NAALADL2: variants seen among roughly 807,000 people sequenced by gnomAD.
NAALADL2 encodes inactive N-acetylated-alpha-linked acidic dipeptidase-like protein 2.
NAALADL2 carries 76 observed loss-of-function variants against 87.2 expected under a neutral mutation model. The ratio of observed to expected loss-of-function variants is 0.87; its 90% CI spans 0.72 to 1.05. The LOEUF (loss-of-function observed/expected upper bound fraction) is 1.05, where lower values mean the gene tolerates loss of function less well. NAALADL2 is among the 50% of genes least tolerant of loss of function. The pLI, the probability that NAALADL2 is intolerant of heterozygous loss-of-function variation, is 0.00. For missense variants in NAALADL2, 1,089 were observed against 945.8 expected, an observed-to-expected ratio of 1.15 and a Z score of -1.99; for synonymous variants, 354 against 331.0, an observed-to-expected ratio of 1.07 and a Z score of -0.75.
At chr3:175,634,978 T>C (rs531419865) in intron 11 of NAALADL2, among the ~76,000 whole-genome samples, 3 of 152,188 alleles carry the variant, frequency 2.0e-5, no homozygotes, top group African/African-American at 4.8e-5. Flanking sequence ...TAAAGACTCT[T>C]GGTTGGAGCT....
intron 10 of NAALADL2, among the ~76,000 whole-genome samples, chr3:175,626,572 G>A (rs764337739): frequency 1.3e-5 from 2 of 151,736 alleles, no homozygotes; most frequent in African/African-American, 2.4e-5. Context: ...AGGTATCTCC[G>A]AAATGCCCCC....
intron 11 of NAALADL2, among the ~76,000 whole-genome samples, chr3:175,705,546 A>G (rs561560536): frequency 2.2e-5 from 3 of 139,158 alleles, no homozygotes; most frequent in Non-Finnish European, 4.6e-5. Context: ...AAAGAGAAGA[A>G]AGAAGAAGAA....
At chr3:175,365,347 T>C (rs1391270286) in intron 5 of NAALADL2, among the ~76,000 whole-genome samples, 2 of 147,410 alleles carry the variant, frequency 1.4e-5, no homozygotes, top group Non-Finnish European at 3.0e-5. Flanking sequence ...ATTATTTTGG[T>C]GAATTTTTGC....
At chr3:175,177,224 C>T (rs1027380109) in intron 2 of NAALADL2, among the ~76,000 whole-genome samples, 4 of 152,040 alleles carry the variant, frequency 2.6e-5, no homozygotes, top group Non-Finnish European at 4.4e-5. Flanking sequence ...TCCATTATAC[C>T]TGTCCCCTAC....
At chr3:174,658,809 A>G (rs187874142) in intron 2 of NAALADL2, among the ~76,000 whole-genome samples, 12 of 152,336 alleles carry the variant, frequency 7.9e-5, no homozygotes, top group Non-Finnish European at 1.5e-4. Flanking sequence ...TTCTACTGGT[A>G]CAAAAGAAAT....
chr3:174,686,970 A>G (rs61304219), intron 2 of NAALADL2, among the ~76,000 whole-genome samples: 1 of 152,024 alleles, frequency 6.6e-6, no homozygotes, highest in Non-Finnish European at 1.5e-5. Context: ...AAAACTAAAG[A>G]GAAATTTTTT....
intron 2 of NAALADL2, among the ~76,000 whole-genome samples, chr3:174,570,863 G>C (rs538862895): frequency 6.6e-6 from 1 of 152,262 alleles, no homozygotes; most frequent in South Asian, 2.1e-4. Context: ...AAGCCCCATA[G>C]TAAAGAAATT....
rs577279511 is a variant in NAALADL2 at position 175,746,951 on chromosome 3, C to A, written c.1991-8269C>A. On this transcript the variant is annotated intron_variant, in intron 12 of 13. Transcript: ENST00000454872. ...GTGTAGTATTTGCATATAACCTGGG[C>A]ACATCCTCTAACACACTTTAGATCA... 5.3e-5 allele frequency among the ~76,000 whole-genome samples: 8 copies of A among 152,124 alleles called. No individual in the cohort carries two copies. The East Asian group carries it at 1.5e-3, about 29-fold the overall frequency.
intron 3 of NAALADL2, among the ~76,000 whole-genome samples, chr3:174,813,324 T>C (rs1401724559): frequency 8.7e-6 from 1 of 114,534 alleles, no homozygotes; most frequent in African/African-American, 3.5e-5. Flanking sequence ...TTTATGAATT[T>C]GTGTTGGGCC....
At chr3:174,980,821 GTATGATA>G (rs1745012353) in intron 1 of NAALADL2, among the ~76,000 whole-genome samples, 1 of 151,352 alleles carries the variant, frequency 6.6e-6, no homozygotes, top group Non-Finnish European at 1.5e-5. Flanking sequence ...TATTGATTTA[GTATGATA>G]TATGTCTTAT....
intron 5 of NAALADL2, among the ~76,000 whole-genome samples, chr3:175,445,183 C>A (rs909404894): frequency 6.6e-6 from 1 of 152,168 alleles, no homozygotes; most frequent in African/African-American, 2.4e-5. Flanking sequence ...AATATATAAA[C>A]TGAATAAGTA....
intron 2 of NAALADL2, among the ~76,000 whole-genome samples, chr3:174,653,288 T>C (rs1472293717): frequency 6.6e-6 from 1 of 152,214 alleles, no homozygotes; most frequent in East Asian, 1.9e-4. Flanking sequence ...GTAGAATGGA[T>C]AAATGAATAA....
At chr3:175,631,591 G>T (rs1560883587) in intron 11 of NAALADL2, among the ~76,000 whole-genome samples, 1 of 151,850 alleles carries the variant, frequency 6.6e-6, no homozygotes, top group Non-Finnish European at 1.5e-5. Flanking sequence ...TGACAGTCAG[G>T]TGGTACAGTA....
chr3:175,149,672 T>C (rs13097856), intron 2 of NAALADL2, among the ~76,000 whole-genome samples: 45,676 of 152,100 alleles, frequency 0.3, 7,084 homozygotes, highest in South Asian at 0.36. Context: ...AGTAGTGATA[T>C]TAAATTTTAG....
At chr3:174,842,852 A>G (rs1374304506) in intron 3 of NAALADL2, among the ~76,000 whole-genome samples, 1 of 152,064 alleles carries the variant, frequency 6.6e-6, no homozygotes, top group Non-Finnish European at 1.5e-5. Flanking sequence ...TATTTACTTA[A>G]TAAAACTGCA....
At chr3:175,770,422 T>G (rs1279723060) in intron 13 of NAALADL2, among the ~76,000 whole-genome samples, 2 of 152,176 alleles carry the variant, frequency 1.3e-5, no homozygotes, top group African/African-American at 4.8e-5. Flanking sequence ...CGAGATTACT[T>G]TTGTTATGCA....
chr3:174,836,708 CAAAAAAA>C (rs36091749), intron 3 of NAALADL2, among the ~76,000 whole-genome samples: 173 of 65,380 alleles, frequency 2.6e-3, no homozygotes, highest in African/African-American at 9.0e-3. Context: ...GACTCCGTCT[CAAAAAAA>C]AAAAAAAAAA....
At chr3:175,757,104 G>A (rs2150137953) in intron 13 of NAALADL2, among the ~76,000 whole-genome samples, 1 of 151,722 alleles carries the variant, frequency 6.6e-6, no homozygotes, top group East Asian at 1.9e-4. Context: ...AAAGTTCTGG[G>A]CTAAACAAAC....
intron 1 of NAALADL2, among the ~76,000 whole-genome samples, chr3:175,020,175 C>A (rs114987704): frequency 1.3e-5 from 2 of 151,428 alleles, no homozygotes; most frequent in Non-Finnish European, 2.9e-5. Context: ...CTACCAGATT[C>A]CCAAAGTTAT....
Sources: allele counts gnomAD v4.1 joint callset (sites outside exome capture counted in the v4.1 genomes callset), GRCh38; gene constraint gnomAD v4.1.1; transcripts MANE v1.5; gene names NCBI Gene and HGNC (gene_info 2026-07-23, HGNC 2026-07-21).